ELP1: variants seen among roughly 807,000 people sequenced by gnomAD.
The protein encoded by ELP1 is elongator complex protein 1.
A neutral mutation model predicts 183.2 loss-of-function variants in ELP1; 131 were observed. That is an observed-to-expected ratio of 0.72 (90% confidence interval 0.62 to 0.83). The LOEUF is 0.83. Ranked by LOEUF, ELP1 falls within the 40% of genes least tolerant of loss-of-function variation. ELP1 has a pLI of 0.00. For synonymous variants in ELP1, 555 were observed against 569.0 expected, an observed-to-expected ratio of 0.98 and a Z score of 0.35; for missense variants, 1,550 against 1,594.9, an observed-to-expected ratio of 0.97 and a Z score of 0.48.
chr9:108,869,220 A>C (rs368080145), intron 36 of ELP1, 38 bp from the exon 37 acceptor site: 5 of 1,579,838 alleles, frequency 3.2e-6, no homozygotes, highest in Non-Finnish European at 3.5e-6. Flanking sequence ...TGACAGACAT[A>C]CTCTTGTTGG....
chr9:108,907,454 G>A (rs1829062771), intron 13 of ELP1, among the ~76,000 whole-genome samples: 1 of 152,138 alleles, frequency 6.6e-6, no homozygotes, highest in South Asian at 2.1e-4. Context: ...AAATCATACA[G>A]AGGTTGAACA....
At chr9:108,877,454 A>G (rs1316966630) in intron 35 of ELP1, among the ~76,000 whole-genome samples, 1 of 152,242 alleles carries the variant, frequency 6.6e-6, no homozygotes, top group African/African-American at 2.4e-5. Context: ...CTTGAAGTAT[A>G]AGAGAGTGAA....
Position 108,919,563 on chromosome 9 carries a change from C to G in ELP1, c.553-214G>C, listed in dbSNP as rs7029072. Among the ~76,000 whole-genome samples the G allele has an allele frequency of 0.13, 20,155 of 150,092 alleles. 1,744 individuals are homozygous for G. The highest frequency in any genetic ancestry group is 0.25 in the African/African-American group (10,117 of 40,816). ...TGTAAAACAAACAAAATCCTCCTTTCGGCATTAAAAAAAAAAAAAGTGGCC... is the reference window on the plus strand; with the variant it reads ...TGTAAAACAAACAAAATCCTCCTTTGGGCATTAAAAAAAAAAAAAGTGGCC... On this transcript the variant is annotated intron_variant, in intron 6 of 36. Coordinates refer to ENST00000374647, the MANE Select transcript of ELP1 (RefSeq NM_003640.5).
intron 16 of ELP1, 44 bp downstream of exon 16, chr9:108,902,795 T>G (rs1357935682): frequency 1.4e-6 from 2 of 1,445,672 alleles, no homozygotes; most frequent in South Asian, 2.3e-5. Context: ...CATCAGTCCC[T>G]GGGTAACTAC....
chr9:108,896,401 A>T, intron 25 of ELP1, 95 bp downstream of exon 25: 2 of 1,138,022 alleles, frequency 1.8e-6, no homozygotes, highest in Non-Finnish European at 1.3e-6. Context: ...TCACAGAGTG[A>T]TAGCAGAAAA....
chr9:108,889,760 C>A (rs894127024), intron 28 of ELP1: 13 of 323,914 alleles, frequency 4.0e-5, no homozygotes, highest in African/African-American at 2.6e-4. Context: ...GTCTTTAGAT[C>A]CTAGAATCAC....
Position 108,926,535 on chromosome 9 carries a change from C to T in ELP1, c.454G>A (p.Asp152Asn). 6.2e-7 allele frequency: 1 copy of T among 1,612,682 alleles called. No homozygotes were observed. Among genetic ancestry groups the T allele is most frequent in the Non-Finnish European group, 8.5e-7 (1 of 1,179,516 alleles). Residue 152 changes from aspartate (D) to asparagine (N), a missense_variant, in exon 5 of 37, where the codon GAT (aspartate) becomes AAT (asparagine). Physicochemically the swap from Asp to Asn is conservative, Grantham distance 23. Transcript: ENST00000374647. ...AAGCTATACTTACTTTCACCAAAAT[C>T]ATCCTGATGGATCTGCTGCTCCAGG... ...PILEQQIHQDDFGESKFITVG... is the reference protein window; with the variant it reads ...PILEQQIHQDNFGESKFITVG...
Position 108,902,917 on chromosome 9 carries a change from T to A in ELP1, c.1776A>T (p.Pro592=). 1 of 1,613,998 alleles carries A rather than the reference T, an allele frequency of 6.2e-7. No homozygotes were observed. The highest frequency in any genetic ancestry group is 8.5e-7 in the Non-Finnish European group (1 of 1,179,900). ...CAGGAAATCCACCAGAGTTCTTCCA[T>A]GGTTTAATAGCCAGAGAAGGTGACT... ...LWESPSLAIK[P]WKNSGGFPVR... is the part of the protein sequence containing the mutation. Residue 592 remains proline, a synonymous_variant, in exon 16 of 37, where the codon CCA becomes CCT. Coordinates refer to ENST00000374647, the MANE Select transcript of ELP1 (RefSeq NM_003640.5).
At chr9:108,926,675 C>G in intron 4 of ELP1, 72 bp from the exon 5 acceptor site, 2 of 1,075,010 alleles carry the variant, frequency 1.9e-6, no homozygotes, top group Middle Eastern at 2.0e-4. Flanking sequence ...ACCTATGGCA[C>G]TGTAAGCTAA....
chr9:108,933,964 C>T lies in ELP1; in HGVS notation c.-156G>A, dbSNP rs886063350. 6.3e-5 allele frequency: 10 copies of T among 159,964 alleles called. No homozygotes were observed. In the South Asian group the frequency reaches 1.2e-3, roughly 20 times the overall value. The allele number at this position is 159,964 out of a possible 1,614,324, so 9.9% of individuals were successfully genotyped here. A position where few individuals can be genotyped will look rare whatever the true frequency, so the allele number is the denominator to read the frequency against. ...CCACAGTCCGCACCCAGAGTCGGCT[C>T]CGAATTGCGCACGCGTCTCTGTCCG... On this transcript the variant is annotated 5_prime_UTR_variant, in exon 1 of 37. Coordinates refer to ENST00000374647, the MANE Select transcript of ELP1 (RefSeq NM_003640.5).
At chr9:108,892,826 G>C (rs1440250474) in intron 27 of ELP1, among the ~76,000 whole-genome samples, 160 bp downstream of exon 27, 1 of 152,126 alleles carries the variant, frequency 6.6e-6, no homozygotes, top group Non-Finnish European at 1.5e-5. Context: ...CAGAGAACAG[G>C]TCAGGACCAT....
At position 108,934,101 on chromosome 9, in the gene ELP1, A is replaced by G; in HGVS notation, c.-293T>C. ...CAGCGACTCAATGGGTGCGTCAACT[A>G]GGCAGCCGCAGCACTGGGAGTGCGG... On this transcript the variant is annotated 5_prime_UTR_variant, in exon 1 of 37. Coordinates refer to ENST00000374647, the MANE Select transcript of ELP1 (RefSeq NM_003640.5). The G allele has an allele frequency of 9.8e-6, 2 of 203,598 alleles. No homozygotes were observed. The highest frequency in any genetic ancestry group is 1.3e-4 in the South Asian group (2 of 15,778). 12.6% of individuals were successfully genotyped at this position (203,598 alleles called of 1,614,324 possible).
chr9:108,902,448 G>A (rs957335835), intron 16 of ELP1, among the ~76,000 whole-genome samples: 1 of 152,294 alleles, frequency 6.6e-6, no homozygotes, highest in East Asian at 1.9e-4. Flanking sequence ...AAGCGGTTTT[G>A]TTTTCCAGCC....
Position 108,889,401 on chromosome 9 carries a change from G to C in ELP1, c.3161-8C>G. On this transcript the variant is annotated splice_polypyrimidine_tract_variant and splice_region_variant and intron_variant, in intron 28 of 36. Coordinates refer to ENST00000374647, the MANE Select transcript of ELP1 (RefSeq NM_003640.5). ...TCTGCTCAACCAGCTTTCCTGTAGA[G>C]ACAATAAGCAGCAGTTGACTACAAA... 1 of 1,613,830 alleles carries C rather than the reference G, an allele frequency of 6.2e-7. No individual in the cohort carries two copies. Among genetic ancestry groups the C allele is most frequent in the South Asian group, 1.1e-5 (1 of 91,070 alleles).
In ELP1 at chr9:108,922,852, T is replaced by C; in HGVS notation, c.542A>G (p.Gln181Arg). ...TCAAACCAAACTTACCATTTGCATC[T>C]GAAAAGCTGCTTGTCTGCCTTCTGA... Reference protein sequence around the residue: ...HGSEGRQAAFQMQMHESALPW... With the variant: ...HGSEGRQAAFRMQMHESALPW... The change falls in exon 6 of 37, where the codon CAG (glutamine) becomes CGG (arginine). Residue 181 changes from glutamine to arginine, a missense_variant. Gln to Arg is a conservative substitution (Grantham distance 43). Transcript: ENST00000374647. 1 of 1,613,544 alleles carries C rather than the reference T, an allele frequency of 6.2e-7. No individual in the cohort carries two copies. The highest frequency in any genetic ancestry group is 1.1e-5 in the South Asian group (1 of 91,070).
Position 108,881,695 on chromosome 9 carries a change from G to T in ELP1, c.3346+10C>A. 6.5e-7 allele frequency: 1 copy of T among 1,536,320 alleles called. No homozygotes were observed. Among genetic ancestry groups the T allele is most frequent in the Non-Finnish European group, 9.0e-7 (1 of 1,109,686 alleles). The stretch of plus-strand genomic sequence containing the variant: ...CAAATGAGGAATTCTATCTAAAATG[G>T]AACCCTCACCTTCTAAAATGGAAGG... On this transcript the variant is annotated intron_variant, in intron 31 of 36. Coordinates refer to ENST00000374647, the MANE Select transcript of ELP1 (RefSeq NM_003640.5).
chr9:108,914,568 G>A (rs1829361511), intron 10 of ELP1, among the ~76,000 whole-genome samples: 1 of 152,080 alleles, frequency 6.6e-6, no homozygotes, highest in East Asian at 1.9e-4. Context: ...TTTAATGAAC[G>A]AGAATAAACG....
At chr9:108,889,311 G>A (rs200258457) in intron 29 of ELP1, 21 bp downstream of exon 29, 2 of 1,610,576 alleles carry the variant, frequency 1.2e-6, no homozygotes, top group East Asian at 4.5e-5. Context: ...GGGGGGTTTA[G>A]AAGGGAGGAA....
chr9:108,909,442 G>C (rs569085497), intron 12 of ELP1, among the ~76,000 whole-genome samples: 7 of 152,178 alleles, frequency 4.6e-5, no homozygotes, highest in African/African-American at 1.7e-4. Context: ...CTTTGGCAAC[G>C]AACTTGTCTC....
Sources: allele counts gnomAD v4.1 joint callset (sites outside exome capture counted in the v4.1 genomes callset), GRCh38; gene constraint gnomAD v4.1.1; transcripts MANE v1.5; gene names NCBI Gene and HGNC (gene_info 2026-07-23, HGNC 2026-07-21).